The following CNTLN variants were observed in gnomAD, a reference collection of about 807,000 sequenced individuals.
CNTLN encodes the protein centlein, also known as centlein, centrosomal protein.
A neutral mutation model predicts 180.0 loss-of-function variants in CNTLN; 212 were observed. The ratio of observed to expected loss-of-function variants is 1.18; its 90% CI spans 1.05 to 1.32. The LOEUF is 1.32. Ranked by LOEUF, CNTLN falls within the 40% of genes most tolerant of loss-of-function variation. The pLI, the probability that CNTLN is intolerant of heterozygous loss-of-function variation, is 0.00. For missense variants in CNTLN, 2,095 were observed against 1,610.9 expected (o/e 1.30, Z -5.14); for synonymous variants, 722 against 563.1 (o/e 1.28, Z -3.99).
chr9:17,350,095 C>T (rs371185603), intron 12 of CNTLN, among the ~76,000 whole-genome samples: 3 of 152,208 alleles, frequency 2.0e-5, no homozygotes, highest in East Asian at 3.9e-4. Flanking sequence ...TGTTAACATT[C>T]TTCCAAGTGA....
At chr9:17,188,435 C>T (rs866882793) in intron 2 of CNTLN, among the ~76,000 whole-genome samples, 4 of 151,996 alleles carry the variant, frequency 2.6e-5, no homozygotes, top group Non-Finnish European at 4.4e-5. Context: ...ATAAAAAAGC[C>T]CATTGTCTTT....
At chr9:17,283,068 C>T (rs982215897) in intron 6 of CNTLN, among the ~76,000 whole-genome samples, 56 of 152,128 alleles carry the variant, frequency 3.7e-4, no homozygotes, top group Middle Eastern at 3.4e-3. Flanking sequence ...CTTGGCTATA[C>T]GGGCTCTTTT....
At chr9:17,338,848 T>G (rs1320337873) in intron 10 of CNTLN, among the ~76,000 whole-genome samples, 1 of 152,146 alleles carries the variant, frequency 6.6e-6, no homozygotes, top group African/African-American at 2.4e-5. Flanking sequence ...CAAAGTAAAA[T>G]TTAGTTAACT....
At chr9:17,519,235 G>T in the CNTLN span, among the ~76,000 whole-genome samples, 1 of 136,408 alleles carries the variant, frequency 7.3e-6, no homozygotes, top group Admixed American at 8.1e-5. Flanking sequence ...CCACCACTGA[G>T]ATTTGAGTGT....
At chr9:17,142,670 T>G (rs1282764513) in intron 1 of CNTLN, among the ~76,000 whole-genome samples, 1 of 152,150 alleles carries the variant, frequency 6.6e-6, no homozygotes, top group Non-Finnish European at 1.5e-5. Context: ...ACAGATTCAC[T>G]CGAGGCACTT....
chr9:17,186,394 A>G (rs1821437729), intron 2 of CNTLN, among the ~76,000 whole-genome samples: 1 of 152,152 alleles, frequency 6.6e-6, no homozygotes, highest in Admixed American at 6.5e-5. Flanking sequence ...AGCATTAGGA[A>G]GTATTGGGAG....
At chr9:17,368,726 G>A (rs1397540925) in intron 13 of CNTLN, among the ~76,000 whole-genome samples, 5 of 152,166 alleles carry the variant, frequency 3.3e-5, no homozygotes, top group Non-Finnish European at 5.9e-5. Context: ...GAATTCTTCC[G>A]GATCTTATCC....
intron 18 of CNTLN, among the ~76,000 whole-genome samples, chr9:17,446,990 C>G (rs979153630): frequency 4.6e-5 from 7 of 152,134 alleles, no homozygotes; most frequent in African/African-American, 1.7e-4. Flanking sequence ...AAGTTATGGC[C>G]TCTTTTCATG....
chr9:17,480,644 A>T (rs1832594511), intron 23 of CNTLN, among the ~76,000 whole-genome samples: 1 of 152,224 alleles, frequency 6.6e-6, no homozygotes, highest in South Asian at 2.1e-4. Flanking sequence ...ATTCAAAAAC[A>T]GAAAAATTGT....
At chr9:17,407,204 C>T (rs10114087) in intron 15 of CNTLN, among the ~76,000 whole-genome samples, 17,120 of 152,090 alleles carry the variant, frequency 0.11, 2,473 homozygotes, top group African/African-American at 0.33. Context: ...GTAGTTGTGA[C>T]ATTAAAAACA....
chr9:17,247,461 A>G (rs569436664), intron 5 of CNTLN, among the ~76,000 whole-genome samples: 1 of 152,284 alleles, frequency 6.6e-6, no homozygotes, highest in South Asian at 2.1e-4. Flanking sequence ...GCCTCTCCCA[A>G]TAACACAATT....
chr9:17,310,933 C>T (rs1819088275), intron 8 of CNTLN, among the ~76,000 whole-genome samples: 1 of 151,578 alleles, frequency 6.6e-6, no homozygotes, highest in African/African-American at 2.4e-5. Flanking sequence ...AATATTAATC[C>T]CTAGTAAGTT....
intron 2 of CNTLN, among the ~76,000 whole-genome samples, chr9:17,188,089 T>G (rs1302766791): frequency 6.6e-6 from 1 of 151,368 alleles, no homozygotes; most frequent in Admixed American, 6.6e-5. Flanking sequence ...CTTTCCCACT[T>G]CATGCTTTTC....
chr9:17,421,140 C>T (rs1188919216), intron 18 of CNTLN, among the ~76,000 whole-genome samples: 1 of 152,032 alleles, frequency 6.6e-6, no homozygotes, highest in Non-Finnish European at 1.5e-5. Context: ...ATGATCTGTC[C>T]ATTGCTGAAA....
chr9:17,274,325 C>G (rs1225899046), intron 6 of CNTLN, among the ~76,000 whole-genome samples: 1 of 148,458 alleles, frequency 6.7e-6, no homozygotes, highest in Non-Finnish European at 1.5e-5. Context: ...AAAAAGGAAG[C>G]ACGATACTCT....
intron 2 of CNTLN, among the ~76,000 whole-genome samples, chr9:17,146,209 T>C (rs950548978): frequency 6.6e-6 from 1 of 152,212 alleles, no homozygotes. Flanking sequence ...TGTTCTCATA[T>C]TTTTTCTTCA....
At chr9:17,475,829 C>T (rs866274618) in intron 23 of CNTLN, among the ~76,000 whole-genome samples, 30 of 148,276 alleles carry the variant, frequency 2.0e-4, no homozygotes, top group African/African-American at 7.0e-4. Context: ...GCCAAGATCG[C>T]GCCACTGCAC....
the CNTLN span, among the ~76,000 whole-genome samples, chr9:17,521,774 G>T: frequency 6.6e-6 from 1 of 152,166 alleles, no homozygotes; most frequent in African/African-American, 2.4e-5. Flanking sequence ...AGCCATAATT[G>T]CCAGGACAAA....
At position 17,261,835 on chromosome 9, in the gene CNTLN, C is replaced by T. The variant is rs576146605; in HGVS notation, c.850-11898C>T. 6.6e-5 allele frequency among the ~76,000 whole-genome samples: 10 copies of T among 151,568 alleles called. No individual in the cohort carries two copies. In the East Asian group the frequency reaches 1.7e-3, roughly 26 times the overall value. ...AAGAAAATGTTTGCAATCTACCATT[C>T]TGACAAAGGTATCCAGAATCTACAA... is the stretch of plus-strand genomic sequence containing the variant. On this transcript the variant is annotated intron_variant, in intron 5 of 25. Transcript: ENST00000380647.
Sources: gnomAD v4.1 joint callset for allele counts (sites outside exome capture counted in the v4.1 genomes callset) on GRCh38, gnomAD v4.1.1 for gene constraint, MANE v1.5 for transcripts, NCBI Gene and HGNC (gene_info 2026-07-23, HGNC 2026-07-21) for gene names.